PLXNA4: variants seen among roughly 807,000 people sequenced by gnomAD.
The protein encoded by PLXNA4 is plexin A4, also known as plexin-A4.
PLXNA4 carries 44 observed loss-of-function variants against 191.8 expected under a neutral mutation model. The observed-to-expected ratio is 0.23, with a 90% CI of 0.18 to 0.29. The LOEUF (loss-of-function observed/expected upper bound fraction) is 0.29, where lower values mean the gene tolerates loss of function less well. PLXNA4 is among the 10% of genes least tolerant of loss of function. PLXNA4 has a pLI of 1.00. For synonymous variants in PLXNA4, 1,082 were observed against 1,009.5 expected, an observed-to-expected ratio of 1.07 and a Z score of -1.36; for missense variants, 1,800 against 2,488.8, an observed-to-expected ratio of 0.72 and a Z score of 5.89.
At chr7:132,556,723 G>A (rs1454521058) in intron 1 of PLXNA4, among the ~76,000 whole-genome samples, 6 of 152,330 alleles carry the variant, frequency 3.9e-5, no homozygotes, top group East Asian at 1.9e-4. Context: ...AAAGGGTTCC[G>A]TCCTTGGCGC....
At chr7:132,159,742 A>G in intron 24 of PLXNA4, 110 bp from the exon 25 acceptor site, 1 of 1,539,962 alleles carries the variant, frequency 6.5e-7, no homozygotes, top group Non-Finnish European at 8.8e-7. Context: ...CCTCTCCAGG[A>G]TGGGCTAGGG....
intron 3 of PLXNA4, among the ~76,000 whole-genome samples, chr7:132,337,386 T>A (rs1413996811): frequency 6.6e-6 from 1 of 152,252 alleles, no homozygotes; most frequent in African/African-American, 2.4e-5. Flanking sequence ...AATACTCAGA[T>A]GCATGCACAG....
intron 3 of PLXNA4, among the ~76,000 whole-genome samples, chr7:132,469,114 C>T (rs1366698140): frequency 1.5e-5 from 1 of 65,058 alleles, no homozygotes; most frequent in Non-Finnish European, 2.9e-5. Flanking sequence ...GAAATGCACA[C>T]CAACCAAAAA....
chr7:132,326,635 C>T (rs1802370841), intron 3 of PLXNA4, among the ~76,000 whole-genome samples: 1 of 152,216 alleles, frequency 6.6e-6, no homozygotes, highest in South Asian at 2.1e-4. Flanking sequence ...TTCCCGCGGC[C>T]TTGCACCCCC....
At chr7:132,189,029 A>AGG in intron 14 of PLXNA4, among the ~76,000 whole-genome samples, 1 of 87,094 alleles carries the variant, frequency 1.1e-5, no homozygotes, top group South Asian at 4.8e-4. Context: ...AGAGAGAGAG[A>AGG]AAGAGAGAGA....
intron 4 of PLXNA4, among the ~76,000 whole-genome samples, chr7:132,256,752 C>A (rs1430357558): frequency 6.6e-6 from 1 of 152,182 alleles, no homozygotes; most frequent in Non-Finnish European, 1.5e-5. Flanking sequence ...CAACCCATGA[C>A]CCTGTTAATG....
chr7:132,193,971 G>T, intron 14 of PLXNA4, 91 bp downstream of exon 14: 3 of 1,502,138 alleles, frequency 2.0e-6, no homozygotes, highest in Non-Finnish European at 2.7e-6. Flanking sequence ...CTTGCCCTGG[G>T]TTTGCTCACA....
chr7:132,330,101 G>A (rs1321238999), intron 3 of PLXNA4, among the ~76,000 whole-genome samples: 1 of 152,182 alleles, frequency 6.6e-6, no homozygotes, highest in Middle Eastern at 3.2e-3. Flanking sequence ...TGATTTTTAG[G>A]GAATGAGTGG....
At chr7:132,140,289 T>C (rs1485427379) in intron 30 of PLXNA4, among the ~76,000 whole-genome samples, 1 of 151,966 alleles carries the variant, frequency 6.6e-6, no homozygotes, top group Non-Finnish European at 1.5e-5. Flanking sequence ...GGGGGGTGGG[T>C]GGTGAAGATC....
chr7:132,574,059 G>T (rs1483813513), intron 1 of PLXNA4, among the ~76,000 whole-genome samples: 1 of 152,228 alleles, frequency 6.6e-6, no homozygotes, highest in Admixed American at 6.5e-5. Flanking sequence ...ATTAATGCCT[G>T]CCTTGTCCTA....
chr7:132,562,465 CTCCTT>C (rs1189335782), intron 1 of PLXNA4, among the ~76,000 whole-genome samples: 3 of 127,662 alleles, frequency 2.3e-5, no homozygotes, highest in Non-Finnish European at 3.3e-5. Flanking sequence ...TCTCCTCCTC[CTCCTT>C]TCTCCTCCTC....
intron 5 of PLXNA4, 79 bp downstream of exon 5, chr7:132,240,987 C>G (rs1475769844): frequency 6.4e-6 from 6 of 944,854 alleles, no homozygotes; most frequent in Non-Finnish European, 9.5e-6. Context: ...AAGGGAAGGG[C>G]AGTGATGACA....
intron 3 of PLXNA4, among the ~76,000 whole-genome samples, chr7:132,323,306 A>C (rs894872133): frequency 1.3e-5 from 2 of 152,214 alleles, no homozygotes; most frequent in African/African-American, 4.8e-5. Flanking sequence ...GGGTGTGTTG[A>C]AGTGCTAGCA....
chr7:132,477,041 T>C (rs1397786734), intron 3 of PLXNA4, among the ~76,000 whole-genome samples: 1 of 152,190 alleles, frequency 6.6e-6, no homozygotes, highest in Non-Finnish European at 1.5e-5. Context: ...AAATCAGCCA[T>C]ATCCTATATT....
chr7:132,313,132 C>T (rs1181104659), intron 3 of PLXNA4, among the ~76,000 whole-genome samples: 1 of 152,172 alleles, frequency 6.6e-6, no homozygotes, highest in Non-Finnish European at 1.5e-5. Context: ...GCCTACCTCA[C>T]TATACCTATG....
intron 2 of PLXNA4, among the ~76,000 whole-genome samples, chr7:132,643,889 C>T (rs1803804006): frequency 6.6e-6 from 1 of 151,968 alleles, no homozygotes; most frequent in Non-Finnish European, 1.5e-5. Context: ...GAGTTTGAGG[C>T]TGCAGTGATC....
intron 2 of PLXNA4, among the ~76,000 whole-genome samples, chr7:132,606,446 T>C (rs1392697018): frequency 1.3e-5 from 2 of 152,228 alleles, no homozygotes; most frequent in African/African-American, 4.8e-5. Context: ...CCAAGGTCAC[T>C]GGGTCACCTT....
At position 132,508,897 on chromosome 7, in the gene PLXNA4, G is replaced by T; in HGVS notation, c.-86-118C>A. 9.6e-7 allele frequency: 1 copy of T among 1,043,976 alleles called. No homozygotes were observed. Among genetic ancestry groups the T allele is most frequent in the Non-Finnish European group, 1.3e-6 (1 of 769,510 alleles). 64.7% of individuals were successfully genotyped at this position (1,043,976 alleles called of 1,614,324 possible). ...ACACACTGAGCAGAACTGCACTGGG[G>T]GGTGCTGGAGGCTGACTGAGTCAAC... On this transcript the variant is annotated intron_variant, in intron 1 of 31. Transcript: ENST00000321063. This position sits in a 1 kb window ranked among gnomAD's most constrained non-coding sequence, Gnocchi z 4.4.
intron 4 of PLXNA4, among the ~76,000 whole-genome samples, chr7:132,267,873 T>C (rs2116304952): frequency 6.6e-6 from 1 of 152,308 alleles, no homozygotes; most frequent in African/African-American, 2.4e-5. Context: ...TGCTTACTTC[T>C]TAGCAGCAGG....
Sources: allele counts gnomAD v4.1 joint callset (sites outside exome capture counted in the v4.1 genomes callset), GRCh38; gene constraint gnomAD v4.1.1; non-coding constraint Gnocchi (gnomAD v3.1); transcripts MANE v1.5; gene names NCBI Gene and HGNC (gene_info 2026-07-23, HGNC 2026-07-21).